The following DIP2C variants were observed in gnomAD, a reference collection of about 807,000 sequenced individuals.
DIP2C encodes DIP2 acetate--CoA ligase C (putative).
In DIP2C, 33 loss-of-function variants were observed where a neutral mutation model predicts 192.4. The observed-to-expected ratio is 0.17, with a 90% CI of 0.13 to 0.23. The LOEUF is 0.23. Among genes scored for constraint, DIP2C ranks in the 10% least tolerant of loss-of-function variants. The pLI, the probability that DIP2C is intolerant of heterozygous loss-of-function variation, is 1.00. For synonymous variants in DIP2C, 979 were observed against 864.1 expected (o/e 1.13, Z -2.33); for missense variants, 1,537 against 2,110.1 (o/e 0.73, Z 5.32).
At chr10:286,129 G>A (rs1275412110) in intron 34 of DIP2C, 144 bp downstream of exon 34, 12 of 737,466 alleles carry the variant, frequency 1.6e-5, no homozygotes, top group East Asian at 2.5e-5. Context: ...CTTACCTCAC[G>A]CTATTTCCCA....
At chr10:311,101 C>T (rs1430679032) in intron 31 of DIP2C, among the ~76,000 whole-genome samples, 1 of 152,058 alleles carries the variant, frequency 6.6e-6, no homozygotes. Flanking sequence ...ACCACTGAGA[C>T]AGGGAAAAAG....
intron 1 of DIP2C, among the ~76,000 whole-genome samples, chr10:506,641 AGGGGCTG>A (rs1479776517): frequency 6.6e-6 from 1 of 152,202 alleles, no homozygotes; most frequent in Non-Finnish European, 1.5e-5. Context: ...CCCTGCACCA[AGGGGCTG>A]GGCACTCCTG....
In DIP2C at chr10:329,529, A is replaced by G. The variant is rs1423973701; in HGVS notation, c.3657T>C (p.Leu1219=). The G allele has an allele frequency of 6.2e-7, 1 of 1,614,200 alleles. No homozygotes were observed. Among genetic ancestry groups the G allele is most frequent in the South Asian group, 1.1e-5 (1 of 91,080 alleles). Residue 1219 remains leucine, a synonymous_variant, in exon 30 of 37, where the codon CTT becomes CTC. Transcript: ENST00000280886. ...ELETNPALWL[L]AVSQYKVRDT... ...CTCGGACTTTGTACTGACTCACGGC[A>G]AGAAGCCACAAGGCGGGGTTGGTTT...
intron 1 of DIP2C, among the ~76,000 whole-genome samples, chr10:509,051 C>A (rs879896250): frequency 1.3e-5 from 2 of 152,158 alleles, no homozygotes; most frequent in African/African-American, 2.4e-5. Flanking sequence ...TGTCCTGAAC[C>A]GGCCTGTTCC....
In DIP2C at chr10:491,989, C is replaced by T. The variant is rs188582115; in HGVS notation, c.86-5459G>A. On this transcript the variant is annotated intron_variant, in intron 1 of 36. Transcript: ENST00000280886. ...TAGGAGGAATCTCAAAATCCCGACC[C>T]CAGAAAACAGGGGCAAGAGGAATCT... Among the ~76,000 whole-genome samples the T allele has an allele frequency of 5.7e-4, 87 of 152,092 alleles. 1 individual carries two copies. The highest frequency in any genetic ancestry group is 2.1e-3 in the African/African-American group (86 of 41,462).
chr10:435,454 C>T (rs1028189002), intron 4 of DIP2C, among the ~76,000 whole-genome samples: 1 of 152,328 alleles, frequency 6.6e-6, no homozygotes, highest in African/African-American at 2.4e-5. Context: ...TATGCACAGG[C>T]CTCCTGGACG....
chr10:615,616 C>G (rs7083145), intron 1 of DIP2C, among the ~76,000 whole-genome samples: 169 of 150,498 alleles, frequency 1.1e-3, no homozygotes, highest in African/African-American at 4.1e-3. Flanking sequence ...GGTTCATATA[C>G]ACACACACAC....
chr10:428,118 A>G (rs1466892345), intron 4 of DIP2C, among the ~76,000 whole-genome samples: 2 of 152,214 alleles, frequency 1.3e-5, no homozygotes, highest in African/African-American at 4.8e-5. Flanking sequence ...GGACTTCAAA[A>G]CAGGTGAAGG....
intron 26 of DIP2C, among the ~76,000 whole-genome samples, chr10:347,490 G>A (rs61836773): frequency 0.91 from 53,063 of 57,996 alleles, 25,767 homozygotes; most frequent in Non-Finnish European, 0.95. Flanking sequence ...ACACTCACCC[G>A]GACACATTGC....
intron 1 of DIP2C, among the ~76,000 whole-genome samples, chr10:544,352 T>TG (rs1169523990): frequency 5.9e-5 from 9 of 152,268 alleles, no homozygotes; most frequent in Non-Finnish European, 1.2e-4. Flanking sequence ...GACAGACATC[T>TG]GGGCTGTTTC....
At chr10:349,709 A>G (rs1179027705) in intron 24 of DIP2C, among the ~76,000 whole-genome samples, 1 of 152,246 alleles carries the variant, frequency 6.6e-6, no homozygotes. Flanking sequence ...ACATCTAGAT[A>G]TATTTAGAGT....
At chr10:555,376 A>G (rs1017707220) in intron 1 of DIP2C, among the ~76,000 whole-genome samples, 1 of 152,150 alleles carries the variant, frequency 6.6e-6, no homozygotes, top group Non-Finnish European at 1.5e-5. Flanking sequence ...CGGAAAACCT[A>G]ATAACCGAAC....
intron 28 of DIP2C, among the ~76,000 whole-genome samples, chr10:342,113 T>G (rs539390921): frequency 3.3e-5 from 5 of 152,260 alleles, no homozygotes; most frequent in Admixed American, 6.5e-5. Context: ...AATAGTGCGT[T>G]TGAACAGCAA....
chr10:513,690 A>G (rs1243421371), intron 1 of DIP2C, among the ~76,000 whole-genome samples: 1 of 151,476 alleles, frequency 6.6e-6, no homozygotes, highest in African/African-American at 2.4e-5. Context: ...CCCCCACCCC[A>G]TGTCCAGCCT....
At chr10:557,312 G>A (rs903147822) in intron 1 of DIP2C, among the ~76,000 whole-genome samples, 3 of 152,254 alleles carry the variant, frequency 2.0e-5, no homozygotes, top group Admixed American at 2.0e-4. Context: ...AATCTTCACC[G>A]TGACTCAGGG....
At chr10:567,168 C>T (rs1480792591) in intron 1 of DIP2C, among the ~76,000 whole-genome samples, 2 of 149,482 alleles carry the variant, frequency 1.3e-5, no homozygotes, top group Non-Finnish European at 2.9e-5. Flanking sequence ...AGGACAGGCA[C>T]CGGTTTTGGG....
chr10:353,555 A>G (rs1018822041), intron 24 of DIP2C, among the ~76,000 whole-genome samples: 3 of 151,286 alleles, frequency 2.0e-5, no homozygotes, highest in Non-Finnish European at 4.4e-5. Flanking sequence ...ACACCCAGCT[A>G]TTTTTTTTTG....
At chr10:456,617 T>C (rs564404468) in intron 3 of DIP2C, among the ~76,000 whole-genome samples, 6 of 152,346 alleles carry the variant, frequency 3.9e-5, no homozygotes, top group Admixed American at 1.3e-4. Flanking sequence ...AAGCCAAGCC[T>C]GGGAGAAGCC....
rs1053534137 is a variant in DIP2C, at chr10:306,512, C to T, written c.3986+3519G>A. The stretch of plus-strand genomic sequence containing the variant: ...ATAATTGGGCAGGTGCCTTGGAGCT[C>T]GCAAGTGAGTGTGCCATTAAAGCAA... On this transcript the variant is annotated intron_variant, in intron 32 of 36. Transcript: ENST00000280886. Among the ~76,000 whole-genome samples the T allele has an allele frequency of 3.3e-5, 5 of 152,134 alleles. 1 individual carries two copies. Among genetic ancestry groups the T allele is most frequent in the Admixed American group, 2.0e-4 (3 of 15,274 alleles).
Sources: allele counts gnomAD v4.1 joint callset (sites outside exome capture counted in the v4.1 genomes callset), GRCh38; gene constraint gnomAD v4.1.1; transcripts MANE v1.5; gene names NCBI Gene and HGNC (gene_info 2026-07-23, HGNC 2026-07-21).